Variants in DAB1 observed in about 807,000 individuals in gnomAD.
DAB1 encodes the protein DAB adaptor protein 1.
In DAB1, 15 loss-of-function variants were observed where a neutral mutation model predicts 64.6. The ratio of observed to expected loss-of-function variants is 0.23; its 90% CI spans 0.16 to 0.36. The LOEUF is 0.36. DAB1 is among the 10% of genes least tolerant of loss of function. The pLI is 1.00. For synonymous variants in DAB1, 235 were observed against 251.9 expected (o/e 0.93, Z 0.64); for missense variants, 596 against 706.7 (o/e 0.84, Z 1.78).
chr1:57,147,424 C>A (rs979002007), intron 2 of DAB1, among the ~76,000 whole-genome samples: 3 of 151,882 alleles, frequency 2.0e-5, no homozygotes, highest in Non-Finnish European at 4.4e-5. Flanking sequence ...GTGGTCCTGA[C>A]CCCCAGTTTT....
chr1:57,424,291 G>C (rs1685170929), upstream of DAB1, among the ~76,000 whole-genome samples: 1 of 151,574 alleles, frequency 6.6e-6, no homozygotes, highest in African/African-American at 2.4e-5. Flanking sequence ...AGCGCGCTCC[G>C]AGAGCTTAGC....
At chr1:57,944,656 G>A (rs1267232550) in intron 5 of DAB1, among the ~76,000 whole-genome samples, 1 of 152,134 alleles carries the variant, frequency 6.6e-6, no homozygotes, top group African/African-American at 2.4e-5. Flanking sequence ...CAGAGTTAAG[G>A]CAATTAAGTT....
At chr1:58,064,884 G>C (rs1172887543) in intron 5 of DAB1, among the ~76,000 whole-genome samples, 1 of 151,920 alleles carries the variant, frequency 6.6e-6, no homozygotes, top group Non-Finnish European at 1.5e-5. Context: ...CACCACGCCC[G>C]GCTAATTTTT....
chr1:57,722,618 A>G (rs1340867917), intron 6 of DAB1, among the ~76,000 whole-genome samples: 2 of 152,212 alleles, frequency 1.3e-5, no homozygotes, highest in African/African-American at 4.8e-5. Context: ...GAGTTTATCC[A>G]ATCTCATGTC....
intron 7 of DAB1, among the ~76,000 whole-genome samples, chr1:57,641,586 G>A (rs1245506194): frequency 4.6e-5 from 7 of 151,402 alleles, no homozygotes; most frequent in African/African-American, 1.7e-4. Flanking sequence ...GGGTTTCATC[G>A]TGTTGGCCAG....
Position 57,147,761 on chromosome 1 carries a change from G to C in DAB1, c.68-2332C>G, listed in dbSNP as rs147353031. Among the ~76,000 whole-genome samples the C allele has an allele frequency of 7.4e-4, 113 of 152,084 alleles. 2 individuals are homozygous for C. In the East Asian group the frequency reaches 0.02, roughly 26 times the overall value. On this transcript the variant is annotated intron_variant, in intron 2 of 14. Coordinates refer to ENST00000371236, the MANE Select transcript of DAB1 (RefSeq NM_001365792.1). ...AATACCAGGTAGCATTCATCACAAA[G>C]CATATTATATGCATCAACTTGTTAA...
chr1:57,485,526 C>T (rs1362100995), intron 7 of DAB1, among the ~76,000 whole-genome samples: 2 of 152,186 alleles, frequency 1.3e-5, no homozygotes, highest in African/African-American at 4.8e-5. Context: ...TTGTCATCCA[C>T]TGCCAACCTT....
chr1:58,536,421 T>C (rs1646518074), intron 1 of DAB1: 1 of 671,390 alleles, frequency 1.5e-6, no homozygotes, highest in South Asian at 1.9e-5. Context: ...AAGACTAAAA[T>C]TAAAAAACAA....
chr1:58,164,593 T>C (rs137937623), intron 4 of DAB1, among the ~76,000 whole-genome samples: 1 of 152,302 alleles, frequency 6.6e-6, no homozygotes, highest in Non-Finnish European at 1.5e-5. Context: ...TATTAAAATG[T>C]AGCATGCCAA....
intron 7 of DAB1, among the ~76,000 whole-genome samples, chr1:57,468,780 T>G (rs778507887): frequency 6.6e-6 from 1 of 152,192 alleles, no homozygotes; most frequent in Non-Finnish European, 1.5e-5. Flanking sequence ...GCCAATTCTG[T>G]CCCAATAGAG....
chr1:58,543,253 T>G (rs781762365), intron 1 of DAB1, among the ~76,000 whole-genome samples: 1 of 152,364 alleles, frequency 6.6e-6, no homozygotes, highest in African/African-American at 2.4e-5. Context: ...GTTATACATT[T>G]GTTTTTGTAA....
chr1:58,168,413 G>A (rs1557679893), intron 4 of DAB1, among the ~76,000 whole-genome samples: 2 of 152,072 alleles, frequency 1.3e-5, no homozygotes, highest in Non-Finnish European at 2.9e-5. Flanking sequence ...CCTGACACTT[G>A]CCTCCTGGGT....
chr1:57,794,932 A>G lies in DAB1; in HGVS notation n.551+89067T>C, dbSNP rs1386448949. On this transcript the variant is annotated intron_variant and non_coding_transcript_variant, in intron 6 of 20. Transcript: ENST00000485760. ...ATCAAGATCTCAGGGGACTACAGAC[A>G]CTTGGCCTAATAGCGGTCCTCATGG... 2.6e-5 allele frequency among the ~76,000 whole-genome samples: 4 copies of G among 152,206 alleles called. No homozygotes were observed. The East Asian group carries it at 5.8e-4, about 22-fold the overall frequency.
chr1:57,362,650 C>T (rs1463165680), intron 1 of DAB1, among the ~76,000 whole-genome samples: 6 of 152,076 alleles, frequency 3.9e-5, no homozygotes, highest in South Asian at 2.1e-4. Flanking sequence ...TGCAGAAGGA[C>T]GCAACTTGAA....
chr1:57,295,860 A>G (rs1297048382), intron 1 of DAB1, among the ~76,000 whole-genome samples: 2 of 152,142 alleles, frequency 1.3e-5, no homozygotes, highest in African/African-American at 4.8e-5. Flanking sequence ...AGGGATGGTA[A>G]GGGGGATCGT....
intron 6 of DAB1, among the ~76,000 whole-genome samples, chr1:57,765,678 C>G (rs916401951): frequency 3.3e-5 from 5 of 152,158 alleles, no homozygotes; most frequent in Non-Finnish European, 7.4e-5. Flanking sequence ...ACTTGACTGT[C>G]AACACTATGC....
intron 1 of DAB1, among the ~76,000 whole-genome samples, chr1:58,527,592 A>G (rs986364421): frequency 6.6e-6 from 1 of 152,202 alleles, no homozygotes; most frequent in Non-Finnish European, 1.5e-5. Context: ...TAAGGAATTT[A>G]CTTCTATTTT....
At chr1:57,746,929 T>G (rs888215707) in intron 6 of DAB1, among the ~76,000 whole-genome samples, 1 of 152,314 alleles carries the variant, frequency 6.6e-6, no homozygotes, top group African/African-American at 2.4e-5. Context: ...ATATTTGCCC[T>G]GTGTTATATA....
intron 6 of DAB1, among the ~76,000 whole-genome samples, chr1:57,657,122 G>C (rs1646328294): frequency 6.6e-6 from 1 of 152,180 alleles, no homozygotes; most frequent in South Asian, 2.1e-4. Flanking sequence ...GCCACATAGA[G>C]AGTGAGTGTA....
Sources: gnomAD v4.1 joint callset for allele counts (sites outside exome capture counted in the v4.1 genomes callset) on GRCh38, gnomAD v4.1.1 for gene constraint, MANE v1.5 for transcripts, NCBI Gene and HGNC (gene_info 2026-07-23, HGNC 2026-07-21) for gene names.